WDR62: variants seen among roughly 807,000 people sequenced by gnomAD.
WDR62 encodes WD repeat domain 62.
A neutral mutation model predicts 160.6 loss-of-function variants in WDR62; 112 were observed. The observed-to-expected ratio is 0.70, with a 90% CI of 0.60 to 0.82. The LOEUF is 0.82. Among genes scored for constraint, WDR62 ranks in the 40% least tolerant of loss-of-function variants. The pLI is 0.00. For synonymous variants in WDR62, 792 were observed against 815.1 expected (o/e 0.97, Z 0.48); for missense variants, 1,819 against 1,983.8 (o/e 0.92, Z 1.58).
intron 19 of WDR62, 75 bp downstream of exon 19, chr19:36,092,886 A>C: frequency 1.2e-6 from 2 of 1,609,838 alleles, no homozygotes; most frequent in Non-Finnish European, 1.7e-6. Context: ...CTGGGGACAC[A>C]GTGGTGGCCA....
At chr19:36,107,353 G>C (rs1425532329), downstream of WDR62, among the ~76,000 whole-genome samples, 2 of 152,172 alleles carry the variant, frequency 1.3e-5, no homozygotes, top group Non-Finnish European at 2.9e-5. Flanking sequence ...TGGAAGCGCA[G>C]GAGCTAGAAG....
intron 3 of WDR62, among the ~76,000 whole-genome samples, chr19:36,064,511 C>T (rs989000834): frequency 1.3e-5 from 2 of 152,120 alleles, no homozygotes; most frequent in Non-Finnish European, 2.9e-5. Context: ...GATCTCCTGA[C>T]CTTGTGATCT....
chr19:36,102,643 T>C, intron 26 of WDR62, 94 bp from the exon 27 acceptor site: 2 of 1,074,662 alleles, frequency 1.9e-6, no homozygotes, highest in Admixed American at 3.8e-5. Flanking sequence ...ACATAAGGGT[T>C]TCTGGGGAGT....
In WDR62 at chr19:36,099,444, C is replaced by G. The variant is rs370558837; in HGVS notation, c.2566C>G (p.Arg856Gly). 1.9e-6 allele frequency: 3 copies of G among 1,613,654 alleles called. No individual in the cohort carries two copies. The African/African-American group carries it at 4.0e-5, about 22-fold the overall frequency. ...AGATGGCTTGGCCTTCCACGCCAAG[C>G]GCAGCTACCAGCCCCACGGCCGCTG... Reference protein sequence around the residue: ...VADGLAFHAKRSYQPHGRWAE... With the variant: ...VADGLAFHAKGSYQPHGRWAE... The change falls in exon 22 of 32, where the codon CGC becomes GGC. Residue 856 changes from arginine (R) to glycine (G), a missense_variant. Coordinates refer to ENST00000401500, the MANE Select transcript of WDR62 (RefSeq NM_001083961.2).
rs895065710 is a variant in WDR62, at chr19:36,089,060, C to T, written c.1791C>T (p.Ile597=). 5 of 1,614,118 alleles carry T rather than the reference C, an allele frequency of 3.1e-6. No individual in the cohort carries two copies. The highest frequency in any genetic ancestry group is 4.2e-6 in the Non-Finnish European group (5 of 1,180,034). Residue 597 remains isoleucine (I), a synonymous_variant, in exon 14 of 32, where the codon ATC becomes ATT. Coordinates refer to ENST00000401500, the MANE Select transcript of WDR62 (RefSeq NM_001083961.2). ...KFAGNRDIQM[I]SCGADKSIYF... ...TAGGCAACAGAGACATCCAGATGAT[C>T]AGCTGTGGGGCTGACAAGAGCATCT... is the stretch of plus-strand genomic sequence containing the variant.
intron 22 of WDR62, 121 bp downstream of exon 22, chr19:36,099,738 C>A: frequency 1.0e-6 from 1 of 1,004,948 alleles, no homozygotes; most frequent in Non-Finnish European, 1.5e-6. Flanking sequence ...TGGTGAAGGG[C>A]AGGAGGGTGA....
chr19:36,103,237 C>G, intron 29 of WDR62, 30 bp downstream of exon 29: 1 of 1,612,786 alleles, frequency 6.2e-7, no homozygotes, highest in South Asian at 1.1e-5. Context: ...ACGGACAGTC[C>G]TGGGTTTCTC....
chr19:36,088,373 T>A (rs968269943), intron 13 of WDR62, among the ~76,000 whole-genome samples: 1 of 152,214 alleles, frequency 6.6e-6, no homozygotes, highest in African/African-American at 2.4e-5. Flanking sequence ...GCAGTCCCTG[T>A]TCCAAGGGCT....
Position 36,060,034 on chromosome 19 carries a change from G to A in WDR62, c.332+4G>A. 1 of 1,614,244 alleles carries A rather than the reference G, an allele frequency of 6.2e-7. No individual in the cohort carries two copies. Among genetic ancestry groups the A allele is most frequent in the Non-Finnish European group, 8.5e-7 (1 of 1,180,044 alleles). ...AGCACATCTTTAACACCGCCAGGTA[G>A]GCTGAGGCCTGGGCCCGGGGCAGGG... On this transcript the variant is annotated splice_donor_region_variant and intron_variant, in intron 3 of 31. Coordinates refer to ENST00000401500, the MANE Select transcript of WDR62 (RefSeq NM_001083961.2).
Position 36,081,662 on chromosome 19 carries a change from T to C in WDR62, c.1371+92T>C, listed in dbSNP as rs7246292. 0.45 allele frequency: 698,531 copies of C among 1,565,774 alleles called. 159,331 individuals carry two copies. Among genetic ancestry groups the C allele is most frequent in the East Asian group, 0.59 (26,141 of 44,558 alleles). ...GGGCAGGAGAGAGTCTGATGGACCC[T>C]AGATGTTAGGTTCCATGAGGGCAAG... On this transcript the variant is annotated intron_variant, in intron 10 of 31. Transcript: ENST00000401500.
chr19:36,100,812 C>G lies in WDR62; in HGVS notation c.2804C>G (p.Ser935Cys). ...PSFLPQQKESSEASELILYSL... is the reference protein window; with the variant it reads ...PSFLPQQKESCEASELILYSL... Reference sequence around the variant, plus strand: ...TTCCTGCCCCAGCAGAAGGAATCATCTGAGGCCAGTGAGCTCATCCTCTAC... The same window carrying G: ...TTCCTGCCCCAGCAGAAGGAATCATGTGAGGCCAGTGAGCTCATCCTCTAC... The change falls in exon 23 of 32, where the codon TCT (serine) becomes TGT (cysteine). Residue 935 changes from serine to cysteine, a missense_variant. By Grantham distance (112) the Ser-to-Cys change is moderately radical (BLOSUM62 -1). This residue lies in a region of WDR62 where 934 missense variants were observed against 1,157.2 expected (regional missense o/e 0.81). Transcript: ENST00000401500. 6.2e-7 allele frequency: 1 copy of G among 1,614,234 alleles called. No individual in the cohort carries two copies. Among genetic ancestry groups the G allele is most frequent in the Non-Finnish European group, 8.5e-7 (1 of 1,180,040 alleles).
At chr19:36,063,904 G>T (rs1022333640) in intron 3 of WDR62, among the ~76,000 whole-genome samples, 3 of 152,208 alleles carry the variant, frequency 2.0e-5, no homozygotes, top group Admixed American at 1.3e-4. Context: ...ACACTTTTCA[G>T]ATGCTCCCCA....
At position 36,085,162 on chromosome 19, in the gene WDR62, C is replaced by T. The variant is rs1451612497; in HGVS notation, c.1642+418C>T. On this transcript the variant is annotated intron_variant, in intron 12 of 31. Coordinates refer to ENST00000401500, the MANE Select transcript of WDR62 (RefSeq NM_001083961.2). Reference sequence around the variant, plus strand: ...AGATGGAGTCTTGCTGTCACCCAGGCTAGAGGGGAGTGGCACCATCTCTGC... The same window carrying T: ...AGATGGAGTCTTGCTGTCACCCAGGTTAGAGGGGAGTGGCACCATCTCTGC... 1.3e-5 allele frequency among the ~76,000 whole-genome samples: 2 copies of T among 152,056 alleles called. 1 individual carries two copies. The highest frequency in any genetic ancestry group is 4.8e-5 in the African/African-American group (2 of 41,396).
rs1004291476 is a variant in WDR62 at position 36,103,944 on chromosome 19, C to T, written c.4116C>T (p.Ile1372=). 6.3e-7 allele frequency: 1 copy of T among 1,598,798 alleles called. No homozygotes were observed. Residue 1372 remains isoleucine, a synonymous_variant, in exon 30 of 32, where the codon ATC becomes ATT. Coordinates refer to ENST00000401500, the MANE Select transcript of WDR62 (RefSeq NM_001083961.2). ...AGCTTCCAGAGGCCCGGCCTGGCAT[C>T]CCTGGCGGCACTGCCTCCCTCCTGG... ...NPQLPEARPG[I]PGGTASLLEP...
Position 36,099,625 on chromosome 19 carries a change from C to T in WDR62, c.2739+8C>T, listed in dbSNP as rs1228513264. On this transcript the variant is annotated splice_region_variant and intron_variant, in intron 22 of 31. Transcript: ENST00000401500. ...GCCAGCCTGCTGAGTGAGGTACACA[C>T]TTCCACCGCAGCCTGGCCCATAGCC... The T allele has an allele frequency of 6.2e-7, 1 of 1,613,856 alleles. No homozygotes were observed. The highest frequency in any genetic ancestry group is 8.5e-7 in the Non-Finnish European group (1 of 1,179,936).
At chr19:36,106,681 G>A (rs990753753), downstream of WDR62, among the ~76,000 whole-genome samples, 7 of 152,244 alleles carry the variant, frequency 4.6e-5, no homozygotes, top group Admixed American at 2.6e-4. Context: ...CAAGAGGAGC[G>A]AAGCCCGGAC....
At chr19:36,092,651 C>A in intron 18 of WDR62, 38 bp from the exon 19 acceptor site, 1 of 1,613,484 alleles carries the variant, frequency 6.2e-7, no homozygotes, top group South Asian at 1.1e-5. Context: ...CATGCTTACT[C>A]TTCCTCTGCC....
chr19:36,089,297 G>A lies in WDR62; in HGVS notation c.1949G>A (p.Arg650His), dbSNP rs763686382. The A allele has an allele frequency of 2.0e-5, 33 of 1,614,088 alleles. No homozygotes were observed. Among genetic ancestry groups the A allele is most frequent in the African/African-American group, 6.7e-5 (5 of 74,928 alleles). The change falls in exon 15 of 32, where the codon CGC (arginine) becomes CAC (histidine). Residue 650 changes from arginine (R) to histidine (H), a missense_variant. Coordinates refer to ENST00000401500, the MANE Select transcript of WDR62 (RefSeq NM_001083961.2). ...TACGTGGCCGTGGCCTGCCAGGACC[G>A]CAATGTGAGGTAAGGGGTGGCCCTG... Reference protein sequence around the residue: ...QKYVAVACQDRNVRVYNTVNG... With the variant: ...QKYVAVACQDHNVRVYNTVNG...
At position 36,102,749 on chromosome 19, in the gene WDR62, C is replaced by T; in HGVS notation, c.3233C>T (p.Ala1078Val). ...TESPCRELFP[A>V]ALGDVEASEA... ...GATCTTCCCCTAGAGCTCTTCCCCG[C>T]AGCTCTGGGAGACGTGGAGGCCTCT... The change falls in exon 27 of 32, where the codon GCA (alanine) becomes GTA (valine). Residue 1078 changes from alanine to valine, a missense_variant. Transcript: ENST00000401500. 3 of 1,614,106 alleles carry T rather than the reference C, an allele frequency of 1.9e-6. No homozygotes were observed. The highest frequency in any genetic ancestry group is 2.5e-6 in the Non-Finnish European group (3 of 1,179,908).
Sources: gnomAD v4.1 joint callset for allele counts (sites outside exome capture counted in the v4.1 genomes callset) on GRCh38, gnomAD v4.1.1 for gene constraint, gnomAD v4.1.1 regional missense constraint, MANE v1.5 for transcripts, NCBI Gene and HGNC (gene_info 2026-07-23, HGNC 2026-07-21) for gene names.